KIAA0513: variants seen among roughly 807,000 people sequenced by gnomAD.
KIAA0513 encodes uncharacterized protein KIAA0513.
Under a neutral mutation model 56.5 loss-of-function variants are expected in KIAA0513, and 39 were observed. The observed-to-expected ratio is 0.69, with a 90% CI of 0.53 to 0.90. The LOEUF (loss-of-function observed/expected upper bound fraction) is 0.90, where lower values mean the gene tolerates loss of function less well. Among genes scored for constraint, KIAA0513 ranks in the 40% least tolerant of loss-of-function variants. The pLI, the probability that KIAA0513 is intolerant of heterozygous loss-of-function variation, is 0.00. For synonymous variants in KIAA0513, 268 were observed against 215.6 expected (o/e 1.24, Z -2.13); for missense variants, 591 against 535.2 (o/e 1.10, Z -1.03).
chr16:85,067,481 C>T (rs1237636666), intron 2 of KIAA0513, 81 bp downstream of exon 2: 14 of 1,174,924 alleles, frequency 1.2e-5, no homozygotes, highest in Non-Finnish European at 1.4e-5. Context: ...GGCTCTGCCT[C>T]TCCCCAGGGT....
intron 4 of KIAA0513, 112 bp from the exon 5 acceptor site, chr16:85,075,732 G>T: frequency 1.2e-6 from 1 of 863,834 alleles, no homozygotes; most frequent in East Asian, 2.5e-5. Flanking sequence ...ATCTCCAGTG[G>T]GGAAGATATT....
At chr16:85,051,131 G>C (rs2073247016) in intron 1 of KIAA0513, among the ~76,000 whole-genome samples, 1 of 152,102 alleles carries the variant, frequency 6.6e-6, no homozygotes, top group Non-Finnish European at 1.5e-5. Context: ...GGGCGACAGA[G>C]TGAGACCCTG....
At chr16:85,038,723 ATAATAAT>A (rs377230755) in intron 1 of KIAA0513, among the ~76,000 whole-genome samples, 2 of 115,206 alleles carry the variant, frequency 1.7e-5, no homozygotes, top group African/African-American at 7.2e-5. Context: ...AAAAAAAAAA[ATAATAAT>A]AATAATATCT....
At position 85,086,717 on chromosome 16, in the gene KIAA0513, C is replaced by G; in HGVS notation, c.1084C>G (p.Gln362Glu). Residue 362 changes from glutamine to glutamate, a missense_variant, in exon 11 of 13, where the codon CAG becomes GAG. Transcript: ENST00000683363. ...GTTCAACGAGAACATCACCTTCGGGCAGCTGGGGTAAGGGCCAGAGTGGGA... is the reference window on the plus strand; with the variant it reads ...GTTCAACGAGAACATCACCTTCGGGGAGCTGGGGTAAGGGCCAGAGTGGGA... ...LRFNENITFG[Q>E]LGTFTHNMLA... 1 of 1,613,030 alleles carries G rather than the reference C, an allele frequency of 6.2e-7. No individual in the cohort carries two copies. Among genetic ancestry groups the G allele is most frequent in the Non-Finnish European group, 8.5e-7 (1 of 1,179,666 alleles).
intron 1 of KIAA0513, among the ~76,000 whole-genome samples, chr16:85,062,282 A>G (rs953087356): frequency 2.0e-5 from 3 of 152,078 alleles, no homozygotes; most frequent in Admixed American, 6.5e-5. Context: ...CTTGCACAGT[A>G]ACCGATGCAT....
chr16:85,065,268 C>T (rs2073462740), intron 1 of KIAA0513, among the ~76,000 whole-genome samples: 1 of 152,342 alleles, frequency 6.6e-6, no homozygotes, highest in South Asian at 2.1e-4. Flanking sequence ...GGGGACCCAT[C>T]AGAGACTAGG....
At position 85,092,568 on chromosome 16, in the gene KIAA0513, A is replaced by G. The variant is rs892224500; in HGVS notation, c.*4243A>G. ...AGGCGAAACGGCCAGATTCTCACTC[A>G]AGGTCGTTCTCACTCCTTTTCCTGT... On this transcript the variant is annotated 3_prime_UTR_variant, in exon 13 of 13. Coordinates refer to ENST00000683363, the MANE Select transcript of KIAA0513 (RefSeq NM_001388359.1). 6 of 152,120 alleles carry G rather than the reference A, an allele frequency of 3.9e-5. No individual in the cohort carries two copies. The highest frequency in any genetic ancestry group is 2.4e-5 in the African/African-American group (1 of 41,414). 9.4% of individuals were successfully genotyped at this position (152,120 alleles called of 1,614,324 possible). A position where few individuals can be genotyped will look rare whatever the true frequency, so the allele number is the denominator to read the frequency against.
intron 2 of KIAA0513, among the ~76,000 whole-genome samples, chr16:85,067,789 GTTTAT>G: frequency 6.6e-6 from 1 of 152,130 alleles, no homozygotes; most frequent in East Asian, 1.9e-4. Context: ...TGTTCTTTTT[GTTTAT>G]TTTCTTTTCT....
At chr16:85,030,716 C>G (rs2072952633) in intron 1 of KIAA0513, among the ~76,000 whole-genome samples, 1 of 150,694 alleles carries the variant, frequency 6.6e-6, no homozygotes, top group Non-Finnish European at 1.5e-5. Context: ...TGCACTCCAG[C>G]CTGGGTGACA....
chr16:85,059,518 C>T (rs1390800174), intron 1 of KIAA0513, among the ~76,000 whole-genome samples: 1 of 152,196 alleles, frequency 6.6e-6, no homozygotes, highest in Non-Finnish European at 1.5e-5. Context: ...GCGAACATGA[C>T]GCTTAAGATG....
At chr16:85,050,392 C>T (rs1444485609) in intron 1 of KIAA0513, among the ~76,000 whole-genome samples, 1 of 150,440 alleles carries the variant, frequency 6.6e-6, no homozygotes, top group African/African-American at 2.5e-5. Flanking sequence ...TTCTGTCACC[C>T]AGACTGGAGT....
Position 85,067,278 on chromosome 16 carries a change from C to T in KIAA0513, c.207C>T (p.Asp69=), listed in dbSNP as rs2073499474. The stretch of plus-strand genomic sequence containing the variant: ...CCTCGCACCCGTCCTGGGACCAAGA[C>T]CGCCGTTCCTCCTCCAACGAGTCCT... ...ESPSHPSWDQ[D]RRSSSNESFS... Residue 69 remains aspartate (D), a synonymous_variant, in exon 2 of 13, where the codon GAC becomes GAT. Coordinates refer to ENST00000683363, the MANE Select transcript of KIAA0513 (RefSeq NM_001388359.1). The T allele has an allele frequency of 3.7e-6, 6 of 1,613,994 alleles. No individual in the cohort carries two copies. Among genetic ancestry groups the T allele is most frequent in the South Asian group, 2.2e-5 (2 of 91,090 alleles).
chr16:85,079,954 A>G (rs1203658585), intron 8 of KIAA0513, among the ~76,000 whole-genome samples: 1 of 152,126 alleles, frequency 6.6e-6, no homozygotes, highest in Non-Finnish European at 1.5e-5. Context: ...TCCTCGACAT[A>G]TTTTAGAGTG....
chr16:85,082,632 C>G (rs762393855), intron 10 of KIAA0513, 39 bp downstream of exon 10: 5 of 1,608,922 alleles, frequency 3.1e-6, no homozygotes, highest in Non-Finnish European at 4.3e-6. Context: ...TTTTACAGTG[C>G]GGGCTCCTGC....
At chr16:85,035,453 C>G (rs978555583) in intron 1 of KIAA0513, among the ~76,000 whole-genome samples, 64 of 152,172 alleles carry the variant, frequency 4.2e-4, no homozygotes, top group African/African-American at 1.5e-3. Flanking sequence ...GCGTCAGAAT[C>G]TCTCTCACTT....
At chr16:85,082,914 A>G (rs1341680299) in intron 10 of KIAA0513, among the ~76,000 whole-genome samples, 2 of 152,236 alleles carry the variant, frequency 1.3e-5, no homozygotes, top group Non-Finnish European at 1.5e-5. Context: ...CGCCGGGGAA[A>G]GCGGGCTCCA....
chr16:85,038,859 T>C (rs2073069758), intron 1 of KIAA0513, among the ~76,000 whole-genome samples: 1 of 152,200 alleles, frequency 6.6e-6, no homozygotes. Flanking sequence ...GTCTGAAGTC[T>C]GATGTGGTCA....
At chr16:85,068,477 T>TA (rs1176592191) in intron 2 of KIAA0513, among the ~76,000 whole-genome samples, 20 of 152,044 alleles carry the variant, frequency 1.3e-4, no homozygotes, top group African/African-American at 4.8e-4. Flanking sequence ...GGACTACAGG[T>TA]GCCCGCCACC....
At chr16:85,061,303 A>C (rs1567533121) in intron 1 of KIAA0513, among the ~76,000 whole-genome samples, 1 of 152,192 alleles carries the variant, frequency 6.6e-6, no homozygotes, top group South Asian at 2.1e-4. Context: ...CCACATCTAG[A>C]AATGCCTCCT....
Sources: allele counts gnomAD v4.1 joint callset (sites outside exome capture counted in the v4.1 genomes callset), GRCh38; gene constraint gnomAD v4.1.1; transcripts MANE v1.5; gene names NCBI Gene and HGNC (gene_info 2026-07-23, HGNC 2026-07-21).